Variants in AP2S1 observed in about 807,000 individuals in gnomAD.
AP2S1 encodes the protein AP-2 complex subunit sigma.
AP2S1 carries 6 observed loss-of-function variants against 21.0 expected under a neutral mutation model. That is an observed-to-expected ratio of 0.29 (90% CI 0.16 to 0.56). The LOEUF (loss-of-function observed/expected upper bound fraction) is 0.56, where lower values mean the gene tolerates loss of function less well. Among genes scored for constraint, AP2S1 ranks in the 20% least tolerant of loss-of-function variants. The pLI, the probability that AP2S1 is intolerant of heterozygous loss-of-function variation, is 0.92. For synonymous variants in AP2S1, 63 were observed against 74.6 expected (o/e 0.84, Z 0.80); for missense variants, 60 against 186.2 (o/e 0.32, Z 3.95).
intron 3 of AP2S1, 34 bp downstream of exon 3, chr19:46,839,431 C>A (rs541674175): frequency 2.0e-6 from 3 of 1,477,018 alleles, no homozygotes; most frequent in South Asian, 1.1e-5. Context: ...GCTGCCCACC[C>A]GCCTCCCCAC....
chr19:46,843,123 G>A (rs565353101), intron 2 of AP2S1, among the ~76,000 whole-genome samples: 3 of 152,012 alleles, frequency 2.0e-5, no homozygotes, highest in African/African-American at 4.8e-5. Context: ...CATCCTACCC[G>A]GGGGCTCAAG....
chr19:46,839,754 G>T, intron 2 of AP2S1, 176 bp from the exon 3 acceptor site: 1 of 1,061,918 alleles, frequency 9.4e-7, no homozygotes, highest in African/African-American at 1.6e-5. Flanking sequence ...TGCTCACAGT[G>T]CAGCGGGGGC....
chr19:46,845,693 TTAA>T (rs2055619596), intron 2 of AP2S1: 2 of 229,644 alleles, frequency 8.7e-6, no homozygotes, highest in Non-Finnish European at 1.7e-5. Flanking sequence ...GCAAAAAAAA[TTAA>T]TAATAACAAT....
intron 2 of AP2S1, among the ~76,000 whole-genome samples, chr19:46,840,602 T>G (rs1303822009): frequency 6.6e-6 from 1 of 151,638 alleles, no homozygotes; most frequent in Non-Finnish European, 1.5e-5. Context: ...TTCCCATCAC[T>G]GCACTCCAGC....
At chr19:46,843,311 C>T (rs1243758572) in intron 2 of AP2S1, among the ~76,000 whole-genome samples, 3 of 152,186 alleles carry the variant, frequency 2.0e-5, no homozygotes, top group East Asian at 1.9e-4. Context: ...GAGCAGTCTC[C>T]TCTATGCTCT....
At chr19:46,850,124 T>C in intron 1 of AP2S1, 1 of 1,231,548 alleles carries the variant, frequency 8.1e-7, no homozygotes, top group Non-Finnish European at 1.0e-6. Context: ...TTTCCGAGTG[T>C]CCATCTTACC....
At position 46,839,682 on chromosome 19, in the gene AP2S1, G is replaced by A. The variant is rs1335825117; in HGVS notation, c.154-104C>T. Reference sequence around the variant, plus strand: ...TCCTTCACTCCATACGTGGTCCCGAGGCCCAGCTCTGTGCCTGGCCCTGTG... The same window carrying A: ...TCCTTCACTCCATACGTGGTCCCGAAGCCCAGCTCTGTGCCTGGCCCTGTG... On this transcript the variant is annotated intron_variant, in intron 2 of 4. Transcript: ENST00000263270. 63 of 1,547,988 alleles carry A rather than the reference G, an allele frequency of 4.1e-5. 3 individuals carry two copies. Among genetic ancestry groups the A allele is most frequent in the South Asian group, 1.9e-4 (16 of 82,950 alleles).
At chr19:46,841,098 T>G (rs917914344) in intron 2 of AP2S1, among the ~76,000 whole-genome samples, 143 of 152,004 alleles carry the variant, frequency 9.4e-4, no homozygotes, top group African/African-American at 3.2e-3. Flanking sequence ...GGAATACAGG[T>G]GTGCACCACC....
chr19:46,838,282 C>A lies in AP2S1; in HGVS notation c.*165G>T. 1.6e-6 allele frequency: 1 copy of A among 637,828 alleles called. No individual in the cohort carries two copies. Among genetic ancestry groups the A allele is most frequent in the Non-Finnish European group, 2.8e-6 (1 of 363,460 alleles). The allele number at this position is 637,828 out of a possible 1,614,324, so 39.5% of individuals were successfully genotyped here. Reference sequence around the variant, plus strand: ...GTGGCCTCTGCCCACAGCCAGGGCCCAGAGGCAGTGGGGTGCAGTCTCCTC... The same window carrying A: ...GTGGCCTCTGCCCACAGCCAGGGCCAAGAGGCAGTGGGGTGCAGTCTCCTC... On this transcript the variant is annotated 3_prime_UTR_variant, in exon 5 of 5. Transcript: ENST00000263270. This position sits in a 1 kb window ranked among gnomAD's most constrained non-coding sequence, Gnocchi z 4.1.
At position 46,838,377 on chromosome 19, in the gene AP2S1, C is replaced by G. The variant is rs76955283; in HGVS notation, c.*70G>C. 5 of 1,506,532 alleles carry G rather than the reference C, an allele frequency of 3.3e-6. No homozygotes were observed. Among genetic ancestry groups the G allele is most frequent in the Non-Finnish European group, 4.6e-6 (5 of 1,087,556 alleles). 93.3% of individuals were successfully genotyped at this position (1,506,532 alleles called of 1,614,324 possible). On this transcript the variant is annotated 3_prime_UTR_variant, in exon 5 of 5. Transcript: ENST00000263270. The surrounding 1 kb of genome is among the most constrained non-coding windows in gnomAD (Gnocchi z 4.1). ...GAGGGAAGGACTGCTGGGTTGGCCA[C>G]GGGCCTGGGAAGGGGAAGCGAGCAG... is the stretch of plus-strand genomic sequence containing the variant.
chr19:46,839,073 A>T (rs1056628646), intron 3 of AP2S1, among the ~76,000 whole-genome samples: 2 of 151,838 alleles, frequency 1.3e-5, no homozygotes, highest in Admixed American at 1.3e-4. Context: ...GATGACTTGA[A>T]GTTAGGAGTG....
chr19:46,845,857 G>T, intron 2 of AP2S1, 136 bp downstream of exon 2: 4 of 1,143,962 alleles, frequency 3.5e-6, no homozygotes, highest in Non-Finnish European at 4.9e-6. Flanking sequence ...AAGCAAGCAA[G>T]CTCAAAGCAG....
At position 46,850,787 on chromosome 19, in the gene AP2S1, C is replaced by G. The variant is rs764862603; in HGVS notation, c.-21G>C. The G allele has an allele frequency of 1.9e-6, 3 of 1,570,772 alleles. No individual in the cohort carries two copies. The East Asian group carries it at 7.2e-5, about 38-fold the overall frequency. On this transcript the variant is annotated 5_prime_UTR_variant, in exon 1 of 5. Transcript: ENST00000263270. The stretch of plus-strand genomic sequence containing the variant: ...ACCATGGCGACCCCCGTCCAGACCC[C>G]AGCGGCCCCGGTCCCGCGGCGACTG...
At chr19:46,845,038 C>T (rs1014489977) in intron 2 of AP2S1, among the ~76,000 whole-genome samples, 3 of 141,858 alleles carry the variant, frequency 2.1e-5, no homozygotes, top group Admixed American at 7.5e-5. Context: ...GAGGAGGTTG[C>T]AGTGAGCCAA....
At chr19:46,849,275 G>A (rs1039206475) in intron 1 of AP2S1, among the ~76,000 whole-genome samples, 1 of 152,108 alleles carries the variant, frequency 6.6e-6, no homozygotes, top group Non-Finnish European at 1.5e-5. Flanking sequence ...CAAAGTGCTG[G>A]GATTACAGGC....
At chr19:46,846,463 G>A (rs1311256029) in intron 1 of AP2S1, among the ~76,000 whole-genome samples, 17 of 16,858 alleles carry the variant, frequency 1.0e-3, no homozygotes, top group Non-Finnish European at 1.6e-3. Flanking sequence ...TTTTTTTTTT[G>A]TAGAGACAGA....
chr19:46,839,381 G>A (rs1291204656), intron 3 of AP2S1, 84 bp downstream of exon 3: 4 of 1,483,646 alleles, frequency 2.7e-6, no homozygotes, highest in Non-Finnish European at 3.7e-6. Flanking sequence ...GGCTCAGGAG[G>A]GACCAGGGAG....
intron 2 of AP2S1, among the ~76,000 whole-genome samples, chr19:46,843,154 C>T (rs1490806628): frequency 3.9e-5 from 6 of 152,184 alleles, no homozygotes; most frequent in African/African-American, 1.4e-4. Context: ...AATTGTCGCC[C>T]TGGCTCTGCT....
intron 1 of AP2S1, among the ~76,000 whole-genome samples, chr19:46,849,734 C>T (rs186939481): frequency 1.1e-3 from 173 of 152,076 alleles, no homozygotes; most frequent in African/African-American, 3.2e-3. Context: ...TGGAGTTGTT[C>T]CCTTTTGACC....
Sources: allele counts gnomAD v4.1 joint callset (sites outside exome capture counted in the v4.1 genomes callset), GRCh38; gene constraint gnomAD v4.1.1; non-coding constraint Gnocchi (gnomAD v3.1); transcripts MANE v1.5; gene names NCBI Gene and HGNC (gene_info 2026-07-23, HGNC 2026-07-21).